Variants in EXOC4 observed in about 807,000 individuals in gnomAD.
The protein encoded by EXOC4 is exocyst complex component 4, also known as SEC8-like 1.
A neutral mutation model predicts 107.2 loss-of-function variants in EXOC4; 71 were observed. The observed-to-expected ratio is 0.66, with a 90% CI of 0.55 to 0.81. The LOEUF is 0.81. Ranked by LOEUF, EXOC4 falls within the 30% of genes least tolerant of loss-of-function variation. The probability of loss-of-function intolerance (pLI) is 0.00; values close to 1 mark genes in which losing one functional copy is unlikely to be tolerated. For missense variants in EXOC4, 1,108 were observed against 1,189.6 expected (o/e 0.93, Z 1.01); for synonymous variants, 456 against 441.2 (o/e 1.03, Z -0.42).
At chr7:133,551,028 C>T (rs1299028959) in intron 9 of EXOC4, among the ~76,000 whole-genome samples, 1 of 152,090 alleles carries the variant, frequency 6.6e-6, no homozygotes, top group African/African-American at 2.4e-5. Flanking sequence ...CCCCACCTTC[C>T]TGACAGCCTG....
At chr7:133,499,819 A>G (rs1167044644) in intron 9 of EXOC4, among the ~76,000 whole-genome samples, 3 of 152,082 alleles carry the variant, frequency 2.0e-5, no homozygotes, top group East Asian at 3.9e-4. Flanking sequence ...CCTCTGCCAT[A>G]ATTATACATT....
intron 7 of EXOC4, among the ~76,000 whole-genome samples, chr7:133,452,358 A>G (rs1273326956): frequency 2.6e-5 from 4 of 152,054 alleles, no homozygotes; most frequent in South Asian, 2.1e-4. Flanking sequence ...ATTTTTGGAT[A>G]TGTGAAAAAA....
chr7:133,929,836 C>T (rs148872836), intron 13 of EXOC4, among the ~76,000 whole-genome samples: 28 of 152,196 alleles, frequency 1.8e-4, no homozygotes, highest in Non-Finnish European at 2.9e-4. Context: ...CCTAAAACCC[C>T]CTCCCCTGCT....
intron 9 of EXOC4, among the ~76,000 whole-genome samples, chr7:133,544,634 T>A (rs1267394076): frequency 6.6e-6 from 1 of 152,134 alleles, no homozygotes; most frequent in Non-Finnish European, 1.5e-5. Flanking sequence ...ACTGTCATTT[T>A]TTTCTTTCCT....
chr7:133,873,335 A>G (rs1432180938), intron 11 of EXOC4, among the ~76,000 whole-genome samples: 4 of 152,216 alleles, frequency 2.6e-5, no homozygotes, highest in African/African-American at 7.2e-5. Flanking sequence ...CTCATCAGGC[A>G]TAGTCATCTG....
At chr7:133,433,287 G>GT (rs1274328558) in intron 7 of EXOC4, among the ~76,000 whole-genome samples, 1 of 152,164 alleles carries the variant, frequency 6.6e-6, no homozygotes, top group Non-Finnish European at 1.5e-5. Context: ...AGAGCAGTCT[G>GT]TTTCGTCATC....
chr7:133,641,464 GTACA>G (rs1368162261), intron 10 of EXOC4, among the ~76,000 whole-genome samples: 1 of 151,828 alleles, frequency 6.6e-6, no homozygotes, highest in East Asian at 1.9e-4. Flanking sequence ...ATACATATAC[GTACA>G]TACAAACACA....
At chr7:133,465,511 GAGA>G (rs1204796447) in intron 7 of EXOC4, among the ~76,000 whole-genome samples, 2 of 152,242 alleles carry the variant, frequency 1.3e-5, no homozygotes, top group African/African-American at 4.8e-5. Flanking sequence ...AGAAAATACA[GAGA>G]AGACTTGAGC....
At chr7:133,464,805 G>T (rs1017948) in intron 7 of EXOC4, among the ~76,000 whole-genome samples, 91,811 of 108,928 alleles carry the variant, frequency 0.84, 39,336 homozygotes, top group Middle Eastern at 0.92. Flanking sequence ...TTTGTTGGTT[G>T]GGTTGGTTTT....
chr7:133,592,332 T>G (rs551133366), intron 9 of EXOC4, among the ~76,000 whole-genome samples: 1 of 152,230 alleles, frequency 6.6e-6, no homozygotes, highest in African/African-American at 2.4e-5. Context: ...TCCCACAATA[T>G]GGAAAACATT....
At position 134,048,855 on chromosome 7, in the gene EXOC4, C is replaced by T. The variant is rs1795718221; in HGVS notation, c.2688-15436C>T. Among the ~76,000 whole-genome samples, 3 of 151,950 alleles carry T rather than the reference C, an allele frequency of 2.0e-5. No individual in the cohort carries two copies. In the South Asian group the frequency reaches 6.2e-4, roughly 32 times the overall value. ...GTGAGGAAACCTTCTAGAAGATTGG[C>T]GTGGTCTGGTACTAGAAAAAAAAAA... On this transcript the variant is annotated intron_variant, in intron 17 of 17. Coordinates refer to ENST00000253861, the MANE Select transcript of EXOC4 (RefSeq NM_021807.4).
At chr7:133,269,724 A>G (rs1793818895) in intron 1 of EXOC4, among the ~76,000 whole-genome samples, 1 of 152,180 alleles carries the variant, frequency 6.6e-6, no homozygotes, top group Non-Finnish European at 1.5e-5. Context: ...ATGTAGTTTT[A>G]GGCTATATTA....
chr7:133,716,427 G>A (rs1486021531), intron 10 of EXOC4, among the ~76,000 whole-genome samples: 4 of 152,156 alleles, frequency 2.6e-5, no homozygotes, highest in African/African-American at 9.7e-5. Flanking sequence ...CAAAAATACT[G>A]CTTTAGAAGG....
chr7:133,598,454 C>G (rs1801733282), intron 9 of EXOC4, among the ~76,000 whole-genome samples: 1 of 152,194 alleles, frequency 6.6e-6, no homozygotes, highest in African/African-American at 2.4e-5. Flanking sequence ...AGCCACAAGT[C>G]ACCTGAAGGT....
At chr7:133,911,889 A>G (rs549146304) in intron 12 of EXOC4, among the ~76,000 whole-genome samples, 1 of 152,316 alleles carries the variant, frequency 6.6e-6, no homozygotes, top group Admixed American at 6.5e-5. Context: ...CACACAGCCA[A>G]GATTCTTTCT....
intron 11 of EXOC4, among the ~76,000 whole-genome samples, chr7:133,875,582 T>TG (rs1290705423): frequency 6.6e-6 from 1 of 152,200 alleles, no homozygotes; most frequent in African/African-American, 2.4e-5. Context: ...TCACATAGAA[T>TG]GGTCTACTGA....
intron 9 of EXOC4, among the ~76,000 whole-genome samples, chr7:133,491,980 A>C (rs1015056384): frequency 2.0e-5 from 3 of 152,194 alleles, no homozygotes; most frequent in Admixed American, 6.5e-5. Flanking sequence ...GAACATAGAC[A>C]TGGAAGACTG....
chr7:133,855,065 A>T (rs1318701384), intron 11 of EXOC4, among the ~76,000 whole-genome samples: 1 of 74,802 alleles, frequency 1.3e-5, no homozygotes, highest in African/African-American at 1.1e-4. Flanking sequence ...ATATCTAAAT[A>T]TATCTAAATA....
In EXOC4 at chr7:133,356,407, A is replaced by G. The variant is rs1796020759; in HGVS notation, c.841A>G (p.Ile281Val). 1.2e-6 allele frequency: 2 copies of G among 1,614,138 alleles called. No homozygotes were observed. The highest frequency in any genetic ancestry group is 2.2e-5 in the East Asian group (1 of 44,876). ...PEENSTLFMG[I>V]LIKGLAKLKK... ...GGAAAACAGCACCCTGTTTATGGGT[A>G]TCCTCATTAAGGGCTTGGCGAAACT... is the stretch of plus-strand genomic sequence containing the variant. The change falls in exon 6 of 18, where the codon ATC becomes GTC. Residue 281 changes from isoleucine (I) to valine (V), a missense_variant. Coordinates refer to ENST00000253861, the MANE Select transcript of EXOC4 (RefSeq NM_021807.4).
Sources: allele counts gnomAD v4.1 joint callset (sites outside exome capture counted in the v4.1 genomes callset), GRCh38; gene constraint gnomAD v4.1.1; transcripts MANE v1.5; gene names NCBI Gene and HGNC (gene_info 2026-07-23, HGNC 2026-07-21).